The following MOB4 variants were observed in gnomAD, a reference collection of about 807,000 sequenced individuals.
MOB4 encodes MOB family member 4, phocein, also known as MOB-like protein phocein.
In MOB4, 4 loss-of-function variants were observed where a neutral mutation model predicts 32.2. That is an observed-to-expected ratio of 0.12 (90% CI 0.06 to 0.28). The LOEUF (loss-of-function observed/expected upper bound fraction) is 0.28. MOB4 is among the 10% of genes least tolerant of loss of function. The pLI is 1.00. For missense variants in MOB4, 158 were observed against 271.2 expected (o/e 0.58, Z 2.93); for synonymous variants, 88 against 88.1 (o/e 1.00, Z 0.01).
chr2:197,516,109 C>A lies in MOB4; in HGVS notation c.23C>A (p.Ala8Glu). 6.2e-7 allele frequency: 1 copy of A among 1,603,322 alleles called. No homozygotes were observed. The highest frequency in any genetic ancestry group is 8.5e-7 in the Non-Finnish European group (1 of 1,176,114). ...ACTATGGTCATGGCGGAGGGGACGGCAGTGCTGAGGCGGAACAGGCCGGGC... is the reference window on the plus strand; with the variant it reads ...ACTATGGTCATGGCGGAGGGGACGGAAGTGCTGAGGCGGAACAGGCCGGGC... MVMAEGT[A>E]VLRRNRPGTK... Residue 8 changes from alanine to glutamate, a missense_variant, in exon 1 of 8, where the codon GCA (alanine) becomes GAA (glutamate). Ala to Glu is a moderately radical substitution (Grantham distance 107). Coordinates refer to ENST00000323303, the MANE Select transcript of MOB4 (RefSeq NM_015387.5).
At chr2:197,547,222 G>T (rs140836171) in intron 5 of MOB4, among the ~76,000 whole-genome samples, 1 of 152,166 alleles carries the variant, frequency 6.6e-6, no homozygotes, top group South Asian at 2.1e-4. Flanking sequence ...TGGTCTTGCC[G>T]TTGCTGGGAA....
At chr2:197,523,791 C>T (rs901296206) in intron 2 of MOB4, 105 bp downstream of exon 2, 11 of 1,061,790 alleles carry the variant, frequency 1.0e-5, no homozygotes, top group Non-Finnish European at 1.4e-5. Context: ...GTCTGCTTCC[C>T]AATAAAGCGT....
In MOB4 at chr2:197,550,276, G is replaced by A; in HGVS notation, c.436G>A (p.Val146Ile). 1 of 1,610,980 alleles carries A rather than the reference G, an allele frequency of 6.2e-7. No individual in the cohort carries two copies. The highest frequency in any genetic ancestry group is 8.5e-7 in the Non-Finnish European group (1 of 1,179,214). ...CTATGGTTTCTTTTCTACTTCTAGG[G>A]TTAGCATAAAGGAATCATCTGTAGC... ...LNSNKYFPSR[V>I]SIKESSVAKL... The change falls in exon 7 of 8, where the codon GTT (valine) becomes ATT (isoleucine). Residue 146 changes from valine to isoleucine, a missense_variant and splice_region_variant. By Grantham distance (29) the Val-to-Ile change is conservative. Around this residue, in one of 6 missense-constraint regions of MOB4, gnomAD observed 22 missense variants for 61.2 expected, o/e 0.36. Coordinates refer to ENST00000323303, the MANE Select transcript of MOB4 (RefSeq NM_015387.5).
chr2:197,545,012 T>A (rs1388022009), intron 5 of MOB4, among the ~76,000 whole-genome samples: 1 of 152,194 alleles, frequency 6.6e-6, no homozygotes, highest in Non-Finnish European at 1.5e-5. Flanking sequence ...ATGGTAAGCA[T>A]AGAGTTGCAT....
chr2:197,537,407 A>G (rs753046853), intron 3 of MOB4, among the ~76,000 whole-genome samples: 7 of 152,214 alleles, frequency 4.6e-5, no homozygotes, highest in Non-Finnish European at 1.0e-4. Flanking sequence ...AGATAAATAG[A>G]GTAGAAATAT....
At chr2:197,516,593 G>A in intron 1 of MOB4, 1 of 478,412 alleles carries the variant, frequency 2.1e-6, no homozygotes, top group South Asian at 1.5e-5. Context: ...TTCCTACCTG[G>A]CCTGGGAAGT....
intron 2 of MOB4, among the ~76,000 whole-genome samples, chr2:197,524,502 C>T (rs2086573388): frequency 6.8e-6 from 1 of 146,028 alleles, no homozygotes; most frequent in Non-Finnish European, 1.5e-5. Flanking sequence ...CACTGCACTC[C>T]AGCCTGGCCA....
At chr2:197,549,269 C>T (rs2087053010) in intron 6 of MOB4, among the ~76,000 whole-genome samples, 1 of 151,770 alleles carries the variant, frequency 6.6e-6, no homozygotes, top group African/African-American at 2.4e-5. Flanking sequence ...TTGAAGGATT[C>T]CTTATCCTTG....
intron 2 of MOB4, among the ~76,000 whole-genome samples, chr2:197,532,214 G>C (rs1393991231): frequency 6.6e-6 from 1 of 152,000 alleles, no homozygotes; most frequent in Non-Finnish European, 1.5e-5. Context: ...TGGCCAAAAT[G>C]GCATTTTTGT....
At chr2:197,516,857 G>A in intron 1 of MOB4, 1 of 391,060 alleles carries the variant, frequency 2.6e-6, no homozygotes, top group South Asian at 1.9e-5. Flanking sequence ...ATTGGTGCTT[G>A]ATTAGGCATT....
intron 1 of MOB4, among the ~76,000 whole-genome samples, chr2:197,517,929 CAGG>C (rs1157564035): frequency 5.9e-5 from 9 of 152,150 alleles, no homozygotes; most frequent in Non-Finnish European, 1.2e-4. Flanking sequence ...CATCTGAGTT[CAGG>C]AGTTCAAGAC....
Position 197,520,893 on chromosome 2 carries a change from TAAAAA to T in MOB4, c.61-2711_61-2707del, listed in dbSNP as rs77272123. ...GCCAACAAAGTGAGACCTCGTCTCT[TAAAAA>T]AAAAAAAAAAAAAAAAAAAGAAGAA... is the stretch of plus-strand genomic sequence containing the variant. On this transcript the variant is annotated intron_variant, in intron 1 of 7. Coordinates refer to ENST00000323303, the MANE Select transcript of MOB4 (RefSeq NM_015387.5). Among the ~76,000 whole-genome samples the T allele has an allele frequency of 6.5e-5, 7 of 107,892 alleles. No individual in the cohort carries two copies. The South Asian group carries it at 2.1e-3, about 32-fold the overall frequency. 70.8% of individuals were successfully genotyped at this position (107,892 alleles called of 152,430 possible). A position where few individuals can be genotyped will look rare whatever the true frequency, so the allele number is the denominator to read the frequency against.
At chr2:197,546,415 G>C (rs1423005645) in intron 5 of MOB4, among the ~76,000 whole-genome samples, 1 of 151,642 alleles carries the variant, frequency 6.6e-6, no homozygotes, top group Non-Finnish European at 1.5e-5. Context: ...TTAATTTTTT[G>C]AGACGAAATC....
intron 3 of MOB4, among the ~76,000 whole-genome samples, chr2:197,537,182 G>C (rs1248532790): frequency 1.3e-5 from 2 of 152,158 alleles, no homozygotes; most frequent in African/African-American, 4.8e-5. Context: ...AGGAGTTTTG[G>C]TGCTTTTTAT....
chr2:197,517,405 C>T (rs1156857618), intron 1 of MOB4, among the ~76,000 whole-genome samples: 1 of 152,170 alleles, frequency 6.6e-6, no homozygotes, highest in Admixed American at 6.6e-5. Flanking sequence ...TTGCTTTTTA[C>T]CGTTTCCACA....
chr2:197,540,333 T>C lies in MOB4; in HGVS notation c.268-18T>C. On this transcript the variant is annotated intron_variant, in intron 4 of 7. Transcript: ENST00000323303. ...CATTATTATTTTACATATTAAGAAA[T>C]ATAATTATTTTTAACAGAGTGAATG... 1 of 1,526,694 alleles carries C rather than the reference T, an allele frequency of 6.6e-7. No individual in the cohort carries two copies. The allele number at this position is 1,526,694 out of a possible 1,614,324, so 94.6% of individuals were successfully genotyped here.
At chr2:197,522,931 C>T (rs1021634953) in intron 1 of MOB4, among the ~76,000 whole-genome samples, 1 of 151,972 alleles carries the variant, frequency 6.6e-6, no homozygotes, top group Non-Finnish European at 1.5e-5. Flanking sequence ...AGGAGAATCA[C>T]TTGAACCCAG....
intron 2 of MOB4, 117 bp downstream of exon 2, chr2:197,523,803 C>T: frequency 2.1e-6 from 2 of 943,706 alleles, no homozygotes; most frequent in South Asian, 2.2e-5. Context: ...ATAAAGCGTG[C>T]TCTTTCACAA....
intron 2 of MOB4, among the ~76,000 whole-genome samples, chr2:197,530,243 C>T (rs2086677148): frequency 6.6e-6 from 1 of 151,872 alleles, no homozygotes; most frequent in Non-Finnish European, 1.5e-5. Context: ...GCTAGGATTA[C>T]AGGTGTGAGC....
Sources: gnomAD v4.1 joint callset for allele counts (sites outside exome capture counted in the v4.1 genomes callset) on GRCh38, gnomAD v4.1.1 for gene constraint, gnomAD v4.1.1 regional missense constraint, MANE v1.5 for transcripts, NCBI Gene and HGNC (gene_info 2026-07-23, HGNC 2026-07-21) for gene names.